The following CCSER1 variants were observed in gnomAD, a reference collection of about 807,000 sequenced individuals.
CCSER1 encodes serine-rich coiled-coil domain-containing protein 1.
Under a neutral mutation model 82.0 loss-of-function variants are expected in CCSER1, and 41 were observed. The observed-to-expected ratio is 0.50, with a 90% CI of 0.39 to 0.65. The LOEUF (loss-of-function observed/expected upper bound fraction) is 0.65. CCSER1 is among the 30% of genes least tolerant of loss of function. The probability of loss-of-function intolerance (pLI) is 0.00; values close to 1 mark genes in which losing one functional copy is unlikely to be tolerated. For missense variants in CCSER1, 1,119 were observed against 1,064.2 expected (o/e 1.05, Z -0.72); for synonymous variants, 414 against 383.9 (o/e 1.08, Z -0.92).
chr4:90,611,509 C>T (rs1280455873), intron 5 of CCSER1, among the ~76,000 whole-genome samples: 4 of 151,564 alleles, frequency 2.6e-5, no homozygotes, highest in Non-Finnish European at 5.9e-5. Context: ...TAGAAGATAT[C>T]CATTTGCTAA....
chr4:91,017,847 A>AAT (rs1739574133), intron 9 of CCSER1, among the ~76,000 whole-genome samples: 2 of 149,662 alleles, frequency 1.3e-5, no homozygotes, highest in Non-Finnish European at 3.0e-5. Flanking sequence ...GTGTGTATAA[A>AAT]TTTTTTTAAG....
chr4:91,181,888 G>A (rs1206457249), intron 10 of CCSER1, among the ~76,000 whole-genome samples: 1 of 152,212 alleles, frequency 6.6e-6, no homozygotes, highest in Non-Finnish European at 1.5e-5. Flanking sequence ...GTCATAGAGT[G>A]ATTGCATCCA....
intron 7 of CCSER1, among the ~76,000 whole-genome samples, chr4:90,755,616 A>G (rs888403978): frequency 2.6e-5 from 4 of 152,224 alleles, no homozygotes; most frequent in Admixed American, 1.3e-4. Context: ...GTATTTTTAG[A>G]TAACAAATGG....
Position 90,723,920 on chromosome 4 carries a change from G to A in CCSER1, c.1939G>A (p.Asp647Asn). Reference protein sequence around the residue: ...KMKRVLQESADMSPASSTTSL... With the variant: ...KMKRVLQESANMSPASSTTSL... ...AATTTCACTGTCCTTGCAGAGTGCA[G>A]ACATGAGTCCAGCAAGCAGTACCAC... The change falls in exon 7 of 11, where the codon GAC becomes AAC. Residue 647 changes from aspartate (D) to asparagine (N), a missense_variant. By Grantham distance (23) the Asp-to-Asn change is conservative. Coordinates refer to ENST00000509176, the MANE Select transcript of CCSER1 (RefSeq NM_001145065.2). The A allele has an allele frequency of 6.4e-7, 1 of 1,567,554 alleles. No individual in the cohort carries two copies. The highest frequency in any genetic ancestry group is 1.8e-5 in the Admixed American group (1 of 56,468).
intron 1 of CCSER1, among the ~76,000 whole-genome samples, chr4:90,281,479 A>G (rs1194885320): frequency 6.6e-6 from 1 of 152,048 alleles, no homozygotes; most frequent in East Asian, 1.9e-4. Context: ...GTACCCCTGA[A>G]GCTAAAATAA....
At chr4:91,590,374 T>G (rs1764206180) in intron 10 of CCSER1, among the ~76,000 whole-genome samples, 2 of 152,162 alleles carry the variant, frequency 1.3e-5, no homozygotes, top group South Asian at 4.1e-4. Context: ...CAGGGCTTCC[T>G]GCTTGCAAAG....
At chr4:90,415,246 G>A (rs2153557929) in intron 4 of CCSER1, among the ~76,000 whole-genome samples, 1 of 152,288 alleles carries the variant, frequency 6.6e-6, no homozygotes, top group South Asian at 2.1e-4. Flanking sequence ...CACATGATTT[G>A]AATCGGGAAT....
intron 8 of CCSER1, among the ~76,000 whole-genome samples, chr4:90,848,868 T>G (rs1194249553): frequency 2.0e-5 from 3 of 152,240 alleles, no homozygotes; most frequent in Non-Finnish European, 4.4e-5. Flanking sequence ...CTTACATATA[T>G]CATTTATCAC....
intron 7 of CCSER1, among the ~76,000 whole-genome samples, chr4:90,798,188 C>T (rs1756298649): frequency 6.6e-6 from 1 of 151,776 alleles, no homozygotes; most frequent in South Asian, 2.1e-4. Context: ...ATTCTTTTTT[C>T]TCTATATTTG....
chr4:91,452,467 A>G (rs6834106), intron 10 of CCSER1, among the ~76,000 whole-genome samples: 14,258 of 152,034 alleles, frequency 0.094, 774 homozygotes, highest in Non-Finnish European at 0.12. Context: ...CAGAAATACT[A>G]AAAAACACTC....
At chr4:90,346,721 T>C (rs1291634834) in intron 3 of CCSER1, among the ~76,000 whole-genome samples, 1 of 152,164 alleles carries the variant, frequency 6.6e-6, no homozygotes, top group Non-Finnish European at 1.5e-5. Context: ...TTACAATACT[T>C]GTATGTACAT....
intron 10 of CCSER1, among the ~76,000 whole-genome samples, chr4:91,409,945 G>A (rs78846623): frequency 0.023 from 3,449 of 152,246 alleles, 105 homozygotes; most frequent in African/African-American, 0.077. Flanking sequence ...GCCTCAGGCC[G>A]TTTACCACAT....
intron 10 of CCSER1, among the ~76,000 whole-genome samples, chr4:91,163,181 A>G (rs1351928195): frequency 1.3e-5 from 2 of 152,054 alleles, no homozygotes; most frequent in Admixed American, 6.5e-5. Flanking sequence ...GCCTTCATTT[A>G]TTATTTAACC....
chr4:90,787,280 G>T (rs538499976), intron 7 of CCSER1, among the ~76,000 whole-genome samples: 1 of 152,138 alleles, frequency 6.6e-6, no homozygotes, highest in African/African-American at 2.4e-5. Context: ...AAAGGAGAGA[G>T]ATTCTGTTTC....
At chr4:91,370,410 T>A (rs2149323207) in intron 10 of CCSER1, among the ~76,000 whole-genome samples, 1 of 152,186 alleles carries the variant, frequency 6.6e-6, no homozygotes, top group Admixed American at 6.5e-5. Context: ...TTTAAAAAAA[T>A]GTTTTGCCGG....
intron 10 of CCSER1, among the ~76,000 whole-genome samples, chr4:91,594,374 T>TACAC (rs1376142685): frequency 4.1e-4 from 56 of 137,712 alleles, no homozygotes; most frequent in South Asian, 1.3e-3. Context: ...TATACACATA[T>TACAC]ATATACACAC....
chr4:90,525,830 G>A (rs1487972905), intron 5 of CCSER1, among the ~76,000 whole-genome samples: 1 of 151,902 alleles, frequency 6.6e-6, no homozygotes, highest in African/African-American at 2.4e-5. Flanking sequence ...TGTAGAGATG[G>A]GGTCTCACTA....
intron 5 of CCSER1, among the ~76,000 whole-genome samples, chr4:90,616,730 C>A (rs979061377): frequency 0.011 from 942 of 88,114 alleles, 10 homozygotes; most frequent in African/African-American, 0.036. Context: ...CACACACACA[C>A]ACACACACAA....
At chr4:90,558,050 A>G (rs570596168) in intron 5 of CCSER1, among the ~76,000 whole-genome samples, 2 of 152,296 alleles carry the variant, frequency 1.3e-5, no homozygotes, top group East Asian at 3.9e-4. Flanking sequence ...TTAGGTAACA[A>G]ATAAAATATG....
Sources: allele counts gnomAD v4.1 joint callset (sites outside exome capture counted in the v4.1 genomes callset), GRCh38; gene constraint gnomAD v4.1.1; transcripts MANE v1.5; gene names NCBI Gene and HGNC (gene_info 2026-07-23, HGNC 2026-07-21).